The following UGGT2 variants were observed in gnomAD, a reference collection of about 807,000 sequenced individuals.
The protein encoded by UGGT2 is UDP-glucose:glycoprotein glucosyltransferase 2.
UGGT2 carries 180 observed loss-of-function variants against 192.1 expected under a neutral mutation model. That is an observed-to-expected ratio of 0.94 (90% CI 0.83 to 1.06). The LOEUF is 1.06. Ranked by LOEUF, UGGT2 falls within the 50% of genes least tolerant of loss-of-function variation. The pLI is 0.00. For synonymous variants in UGGT2, 580 were observed against 591.0 expected (o/e 0.98, Z 0.27); for missense variants, 1,849 against 1,795.7 (o/e 1.03, Z -0.54).
At chr13:95,955,413 C>T (rs2050184457) in intron 12 of UGGT2, among the ~76,000 whole-genome samples, 2 of 152,092 alleles carry the variant, frequency 1.3e-5, no homozygotes, top group Non-Finnish European at 2.9e-5. Flanking sequence ...GAAATGCAAG[C>T]TTAAGAATCT....
intron 16 of UGGT2, among the ~76,000 whole-genome samples, chr13:95,939,529 T>C (rs1366530066): frequency 6.6e-6 from 1 of 150,634 alleles, no homozygotes; most frequent in Non-Finnish European, 1.5e-5. Flanking sequence ...GAGTCTCTAA[T>C]TGTTCACCTT....
chr13:95,804,661 T>C (rs1024645969), intron 38 of UGGT2, among the ~76,000 whole-genome samples: 2 of 152,176 alleles, frequency 1.3e-5, no homozygotes, highest in African/African-American at 4.8e-5. Flanking sequence ...AATTCATCTT[T>C]GATAAGGATG....
At chr13:95,984,117 C>A (rs1325415707) in intron 9 of UGGT2, among the ~76,000 whole-genome samples, 5 of 152,128 alleles carry the variant, frequency 3.3e-5, no homozygotes, top group Non-Finnish European at 7.4e-5. Flanking sequence ...TTTACTATGA[C>A]TTATTTTTTG....
At chr13:95,860,423 A>G (rs1246717621) in intron 32 of UGGT2, among the ~76,000 whole-genome samples, 1 of 149,916 alleles carries the variant, frequency 6.7e-6, no homozygotes, top group East Asian at 1.9e-4. Flanking sequence ...GAAGAAAACC[A>G]ATATTCCAAA....
intron 1 of UGGT2, among the ~76,000 whole-genome samples, chr13:96,045,125 T>C (rs1418351932): frequency 6.6e-6 from 1 of 152,160 alleles, no homozygotes; most frequent in Middle Eastern, 3.2e-3. Flanking sequence ...TCCAACAATG[T>C]ATCAAAAAGA....
At chr13:95,981,308 C>CAA (rs1261217229) in intron 10 of UGGT2, among the ~76,000 whole-genome samples, 1 of 8,744 alleles carries the variant, frequency 1.1e-4, no homozygotes, top group African/African-American at 1.5e-4. Flanking sequence ...ACTAAAAATA[C>CAA]AAAAAATTAG....
At position 95,953,989 on chromosome 13, in the gene UGGT2, A is replaced by G. The variant is rs372653038; in HGVS notation, c.1336-4535T>C. Among the ~76,000 whole-genome samples the G allele has an allele frequency of 4.6e-5, 7 of 152,296 alleles. No individual in the cohort carries two copies. In the South Asian group the frequency reaches 1.5e-3, roughly 32 times the overall value. On this transcript the variant is annotated intron_variant, in intron 12 of 38. Coordinates refer to ENST00000376747, the MANE Select transcript of UGGT2 (RefSeq NM_020121.4). ...GTTTCAGAGATAAGTCAAATATACT[A>G]CAGGTTGAGCATCCCTAATCTGAAA...
At chr13:95,947,224 T>C (rs2140590492) in intron 14 of UGGT2, 52 bp from the exon 15 acceptor site, 2 of 1,480,934 alleles carry the variant, frequency 1.4e-6, no homozygotes, top group African/African-American at 1.4e-5. Context: ...TGAATCACAA[T>C]AAACCATTAT....
At chr13:95,882,985 T>C (rs376654418) in intron 27 of UGGT2, among the ~76,000 whole-genome samples, 1 of 152,172 alleles carries the variant, frequency 6.6e-6, no homozygotes, top group Non-Finnish European at 1.5e-5. Flanking sequence ...TCACTTCTTA[T>C]AAGATTCATT....
intron 5 of UGGT2, among the ~76,000 whole-genome samples, chr13:96,004,822 T>C (rs1251750246): frequency 6.6e-6 from 1 of 152,126 alleles, no homozygotes; most frequent in Non-Finnish European, 1.5e-5. Context: ...AGCCACCTAG[T>C]TATGACCTCC....
intron 2 of UGGT2, among the ~76,000 whole-genome samples, chr13:96,027,314 T>C (rs1473134406): frequency 6.6e-6 from 1 of 152,196 alleles, no homozygotes; most frequent in Admixed American, 6.5e-5. Context: ...CCTTATGTAG[T>C]AATGAATGTA....
chr13:96,017,378 TCTCA>T (rs1386567777), intron 4 of UGGT2, among the ~76,000 whole-genome samples: 1 of 152,194 alleles, frequency 6.6e-6, no homozygotes, highest in Non-Finnish European at 1.5e-5. Flanking sequence ...TTGCTCATGC[TCTCA>T]CTATGTGACG....
intron 30 of UGGT2, among the ~76,000 whole-genome samples, chr13:95,864,667 T>A (rs1269040592): frequency 6.6e-6 from 1 of 152,214 alleles, no homozygotes; most frequent in African/African-American, 2.4e-5. Context: ...CTTTTCCAGT[T>A]TATTACTCAT....
At chr13:95,809,360 GT>G in intron 38 of UGGT2, 2 of 422,112 alleles carry the variant, frequency 4.7e-6, no homozygotes, top group Admixed American at 2.9e-5. Context: ...ACTCTCCACG[GT>G]TTTTGTTTCT....
chr13:95,976,915 T>C (rs1594487839), intron 10 of UGGT2, among the ~76,000 whole-genome samples: 1 of 152,146 alleles, frequency 6.6e-6, no homozygotes, highest in Non-Finnish European at 1.5e-5. Flanking sequence ...AACCATCTGA[T>C]CTTCGACAAA....
Position 95,928,566 on chromosome 13 carries a change from C to T in UGGT2, c.1978-1230G>A, listed in dbSNP as rs9561986. ...CCTCAGTTCCCAGACGGGGTCGCGG[C>T]GGGGCAGAGGTGCTCTTCACAGCCC... On this transcript the variant is annotated intron_variant, in intron 17 of 38. Coordinates refer to ENST00000376747, the MANE Select transcript of UGGT2 (RefSeq NM_020121.4). 5.2e-4 allele frequency among the ~76,000 whole-genome samples: 79 copies of T among 151,554 alleles called. 1 individual carries two copies. The East Asian group carries it at 0.011, about 20-fold the overall frequency.
chr13:96,051,157 A>G (rs2053474462), intron 1 of UGGT2, among the ~76,000 whole-genome samples: 1 of 152,218 alleles, frequency 6.6e-6, no homozygotes, highest in African/African-American at 2.4e-5. Flanking sequence ...CAGCCATAAA[A>G]AAGGATGAGT....
At chr13:96,030,436 A>T (rs2052799699) in intron 2 of UGGT2, among the ~76,000 whole-genome samples, 1 of 152,210 alleles carries the variant, frequency 6.6e-6, no homozygotes, top group African/African-American at 2.4e-5. Context: ...TTTCAGGAAA[A>T]AATTTTGAAA....
At chr13:95,824,002 G>C (rs1414012149) in intron 38 of UGGT2, among the ~76,000 whole-genome samples, 1 of 152,082 alleles carries the variant, frequency 6.6e-6, no homozygotes. Context: ...CTCTGAAAAT[G>C]ACTTCATTTC....
Sources: allele counts gnomAD v4.1 joint callset (sites outside exome capture counted in the v4.1 genomes callset), GRCh38; gene constraint gnomAD v4.1.1; transcripts MANE v1.5; gene names NCBI Gene and HGNC (gene_info 2026-07-23, HGNC 2026-07-21).